Variants in CEP128 observed in about 807,000 individuals in gnomAD.
CEP128 encodes the protein centrosomal protein 128kDa.
Under a neutral mutation model 156.7 loss-of-function variants are expected in CEP128, and 132 were observed. The observed-to-expected ratio is 0.84, with a 90% confidence interval of 0.73 to 0.97. CEP128 has a LOEUF of 0.97. CEP128 is among the 50% of genes least tolerant of loss of function. The pLI is 0.00. For missense variants in CEP128, 1,252 were observed against 1,281.9 expected (o/e 0.98, Z 0.36); for synonymous variants, 469 against 448.9 (o/e 1.04, Z -0.57).
In CEP128 at chr14:80,700,883, A is replaced by G. The variant is rs530462421; in HGVS notation, c.2806+42192T>C. On this transcript the variant is annotated intron_variant, in intron 19 of 24. Coordinates refer to ENST00000555265, the MANE Select transcript of CEP128 (RefSeq NM_152446.5). Reference sequence around the variant, plus strand: ...AAGAGACAAGCTTGTTTAACTGACCATACAGATTTAATATAAGGGATACCC... The same window carrying G: ...AAGAGACAAGCTTGTTTAACTGACCGTACAGATTTAATATAAGGGATACCC... 3.3e-5 allele frequency among the ~76,000 whole-genome samples: 5 copies of G among 152,298 alleles called. No individual in the cohort carries two copies. In the East Asian group the frequency reaches 9.7e-4, roughly 29 times the overall value.
At chr14:80,899,180 G>A (rs1331611003) in intron 7 of CEP128, among the ~76,000 whole-genome samples, 1 of 152,170 alleles carries the variant, frequency 6.6e-6, no homozygotes, top group Non-Finnish European at 1.5e-5. Context: ...AACATTTATA[G>A]TTTTGACTAT....
chr14:80,857,668 G>A (rs1309573089), intron 9 of CEP128, among the ~76,000 whole-genome samples: 1 of 149,966 alleles, frequency 6.7e-6, no homozygotes, highest in East Asian at 2.0e-4. Flanking sequence ...TTGAACCCAG[G>A]AATTCGAGGC....
rs1451644025 is a variant in CEP128 at position 80,536,449 on chromosome 14, C to A, written c.2881-5563G>T. ...AAATGTGTGAGTTTTTGGCACTGCA[C>A]ACATGTTAAATAAATAAGGCTATGA... On this transcript the variant is annotated intron_variant, in intron 21 of 24. Transcript: ENST00000555265. Among the ~76,000 whole-genome samples, 6 of 152,032 alleles carry A rather than the reference C, an allele frequency of 3.9e-5. No homozygotes were observed. In the East Asian group the frequency reaches 1.2e-3, roughly 29 times the overall value.
intron 4 of CEP128, 148 bp downstream of exon 4, chr14:80,914,174 C>G (rs919293355): frequency 1.8e-6 from 1 of 558,374 alleles, no homozygotes; most frequent in African/African-American, 1.9e-5. Context: ...ACAAGCTAAC[C>G]TAAACTTAAA....
At chr14:80,505,249 CT>C (rs903217356) in intron 23 of CEP128, among the ~76,000 whole-genome samples, 1 of 152,180 alleles carries the variant, frequency 6.6e-6, no homozygotes, top group African/African-American at 2.4e-5. Flanking sequence ...TCTTTCCAGT[CT>C]TTTTCCCCCA....
rs898553694 is a variant in CEP128, at chr14:80,603,711, C to G, written c.2807-23288G>C. On this transcript the variant is annotated intron_variant, in intron 19 of 24. Coordinates refer to ENST00000555265, the MANE Select transcript of CEP128 (RefSeq NM_152446.5). ...TCATCATGCCTGTAAAAAGATATTG[C>G]AATTATTATCAATTATGAATATAAA... Among the ~76,000 whole-genome samples, 3 of 151,994 alleles carry G rather than the reference C, an allele frequency of 2.0e-5. No individual in the cohort carries two copies. The East Asian group carries it at 5.8e-4, about 29-fold the overall frequency.
At chr14:80,583,510 A>C (rs1409260953) in intron 19 of CEP128, among the ~76,000 whole-genome samples, 2 of 152,178 alleles carry the variant, frequency 1.3e-5, no homozygotes, top group African/African-American at 2.4e-5. Context: ...GCTAAGCAAC[A>C]CCAGAGGTGT....
At chr14:80,592,824 T>G (rs1349285667) in intron 19 of CEP128, among the ~76,000 whole-genome samples, 2 of 152,156 alleles carry the variant, frequency 1.3e-5, no homozygotes, top group African/African-American at 4.8e-5. Flanking sequence ...GCTTCAACCC[T>G]GGGATGCAAG....
At chr14:80,732,817 A>G (rs1353687930) in intron 19 of CEP128, among the ~76,000 whole-genome samples, 1 of 152,148 alleles carries the variant, frequency 6.6e-6, no homozygotes, top group East Asian at 1.9e-4. Context: ...AGGTGAGGAC[A>G]AGTCCAGCAG....
chr14:80,505,147 A>C, intron 23 of CEP128, 127 bp from the exon 24 acceptor site: 1 of 363,444 alleles, frequency 2.8e-6, no homozygotes, highest in Non-Finnish European at 5.0e-6. Context: ...ATTTAATATA[A>C]TTATAATCAC....
chr14:80,584,250 G>A (rs1215460848), intron 19 of CEP128, among the ~76,000 whole-genome samples: 6 of 148,882 alleles, frequency 4.0e-5, no homozygotes, highest in Non-Finnish European at 7.4e-5. Flanking sequence ...GGGTTCAAGC[G>A]ATTCTCCTGC....
intron 23 of CEP128, among the ~76,000 whole-genome samples, chr14:80,521,305 T>C (rs1324321448): frequency 6.6e-6 from 1 of 152,172 alleles, no homozygotes; most frequent in Non-Finnish European, 1.5e-5. Flanking sequence ...TCACAATCTT[T>C]CTTTTCTTAA....
intron 6 of CEP128, among the ~76,000 whole-genome samples, chr14:80,903,196 A>T (rs1883681947): frequency 1.3e-5 from 2 of 152,170 alleles, no homozygotes; most frequent in Admixed American, 1.3e-4. Context: ...ACCCGGAAAT[A>T]AACACACACA....
At chr14:80,567,297 G>T (rs958656040) in intron 20 of CEP128, among the ~76,000 whole-genome samples, 2 of 152,088 alleles carry the variant, frequency 1.3e-5, no homozygotes, top group African/African-American at 4.8e-5. Flanking sequence ...ATATTGAAGT[G>T]GGGTATGTGT....
At chr14:80,515,259 G>A (rs1484053471) in intron 23 of CEP128, among the ~76,000 whole-genome samples, 3 of 152,184 alleles carry the variant, frequency 2.0e-5, no homozygotes, top group Non-Finnish European at 4.4e-5. Context: ...ATCCAGCCAT[G>A]CTTGTGGCCT....
chr14:80,527,147 G>C (rs1379586921), intron 22 of CEP128, 165 bp from the exon 23 acceptor site: 1 of 546,598 alleles, frequency 1.8e-6, no homozygotes, highest in Admixed American at 3.0e-5. Flanking sequence ...GAAAGAAGAA[G>C]GCTACACACA....
Position 80,890,447 on chromosome 14 carries a change from T to C in CEP128, c.645+5271A>G, listed in dbSNP as rs574497301. ...TACACCATGGAATACTATCCAGTCA[T>C]TTAAAAAAATGAGTTCTTGTCCTTT... On this transcript the variant is annotated intron_variant, in intron 8 of 24. Coordinates refer to ENST00000555265, the MANE Select transcript of CEP128 (RefSeq NM_152446.5). 2.0e-5 allele frequency among the ~76,000 whole-genome samples: 3 copies of C among 152,204 alleles called. No individual in the cohort carries two copies. In the South Asian group the frequency reaches 6.2e-4, roughly 32 times the overall value.
intron 13 of CEP128, among the ~76,000 whole-genome samples, chr14:80,796,169 A>G (rs1041552756): frequency 3.3e-5 from 5 of 152,142 alleles, no homozygotes; most frequent in African/African-American, 1.2e-4. Flanking sequence ...CAAGATCCCC[A>G]AAGATCACCT....
At chr14:80,635,868 A>T (rs1260936726) in intron 19 of CEP128, among the ~76,000 whole-genome samples, 1 of 152,214 alleles carries the variant, frequency 6.6e-6, no homozygotes, top group Non-Finnish European at 1.5e-5. Flanking sequence ...CAGGTGCACA[A>T]CACACAGTTT....
Sources: gnomAD v4.1 joint callset for allele counts (sites outside exome capture counted in the v4.1 genomes callset) on GRCh38, gnomAD v4.1.1 for gene constraint, MANE v1.5 for transcripts, NCBI Gene and HGNC (gene_info 2026-07-23, HGNC 2026-07-21) for gene names.